TRIM2: variants seen among roughly 807,000 people sequenced by gnomAD.
TRIM2 encodes the protein tripartite motif-containing protein 2.
In TRIM2, 20 loss-of-function variants were observed where a neutral mutation model predicts 75.2. That is an observed-to-expected ratio of 0.27 (90% CI 0.19 to 0.39). The LOEUF (loss-of-function observed/expected upper bound fraction) is 0.39, where lower values mean the gene tolerates loss of function less well. Among genes scored for constraint, TRIM2 ranks in the 10% least tolerant of loss-of-function variants. The probability of loss-of-function intolerance (pLI) is 1.00; values close to 1 mark genes in which losing one functional copy is unlikely to be tolerated. For missense variants in TRIM2, 660 were observed against 990.8 expected (o/e 0.67, Z 4.48); for synonymous variants, 373 against 388.3 (o/e 0.96, Z 0.46).
chr4:153,302,404 C>G (rs1764105467), intron 6 of TRIM2, among the ~76,000 whole-genome samples: 1 of 152,178 alleles, frequency 6.6e-6, no homozygotes, highest in African/African-American at 2.4e-5. Context: ...ATCTCTGTCA[C>G]CCTCTTCAGC....
chr4:153,320,398 G>C (rs1768668922), intron 8 of TRIM2, among the ~76,000 whole-genome samples: 1 of 152,176 alleles, frequency 6.6e-6, no homozygotes, highest in Admixed American at 6.5e-5. Flanking sequence ...AAATACATAT[G>C]TGGTTCACAT....
chr4:153,244,253 T>G (rs536335511), intron 1 of TRIM2, among the ~76,000 whole-genome samples: 1 of 20,218 alleles, frequency 4.9e-5, no homozygotes, highest in African/African-American at 2.8e-4. Flanking sequence ...TTCCTCTTCT[T>G]TCCTCCTCCT....
chr4:153,269,991 C>T lies in TRIM2; in HGVS notation c.31-344C>T, dbSNP rs183104129. Among the ~76,000 whole-genome samples, 223 of 152,094 alleles carry T rather than the reference C, an allele frequency of 1.5e-3. 2 individuals carry two copies. In the East Asian group the frequency reaches 0.036, roughly 24 times the overall value. On this transcript the variant is annotated intron_variant, in intron 1 of 11. Transcript: ENST00000338700. ...TCACCCAGGCTGGAGTGCAGTGGCG[C>T]GATCTCAGCTCACTGCAACCTCTGC...
chr4:153,155,004 A>T (rs534588213), intron 1 of TRIM2, among the ~76,000 whole-genome samples: 1 of 152,208 alleles, frequency 6.6e-6, no homozygotes, highest in East Asian at 1.9e-4. Context: ...GCCAGGCGTA[A>T]TGGTGGGCAC....
In TRIM2 at chr4:153,253,032, C is replaced by A. The variant is rs72727884; in HGVS notation, c.31-17303C>A. Among the ~76,000 whole-genome samples the A allele has an allele frequency of 7.9e-3, 1,210 of 152,306 alleles. 10 individuals are homozygous for A. The highest frequency in any genetic ancestry group is 0.014 in the Admixed American group (211 of 15,302). ...AATTAAAGGTAAAAGATGGAACCTT[C>A]AACAGTTTCTAGCAAGAATGCTGTG... is the stretch of plus-strand genomic sequence containing the variant. On this transcript the variant is annotated intron_variant, in intron 1 of 11. Transcript: ENST00000338700.
intron 1 of TRIM2, among the ~76,000 whole-genome samples, chr4:153,194,159 G>A (rs1733524881): frequency 6.6e-6 from 1 of 152,050 alleles, no homozygotes; most frequent in Non-Finnish European, 1.5e-5. Flanking sequence ...GAGTGAGATG[G>A]GGAAAGAGTG....
At chr4:153,254,436 C>G (rs898303507) in intron 1 of TRIM2, among the ~76,000 whole-genome samples, 5 of 152,228 alleles carry the variant, frequency 3.3e-5, no homozygotes, top group Non-Finnish European at 7.3e-5. Flanking sequence ...GGCAAGACAG[C>G]TCCAAGAAGT....
chr4:153,157,904 G>A lies in TRIM2; in HGVS notation c.-49+4634G>A, dbSNP rs527703795. Among the ~76,000 whole-genome samples the A allele has an allele frequency of 4.6e-5, 7 of 152,304 alleles. No individual in the cohort carries two copies. The East Asian group carries it at 1.3e-3, about 29-fold the overall frequency. ...TTCCTGTCCTCTTTTCCAGGGCAGT[G>A]GTTAAATACCATCCACTGCTTTGCA... On this transcript the variant is annotated intron_variant, in intron 1 of 11. Transcript: ENST00000437508.
chr4:153,179,651 G>A (rs1286365091), intron 1 of TRIM2, among the ~76,000 whole-genome samples: 1 of 152,268 alleles, frequency 6.6e-6, no homozygotes, highest in Non-Finnish European at 1.5e-5. Context: ...CACTGTTTAC[G>A]CATAATGACA....
At chr4:153,330,800 G>A (rs1292433197) in intron 11 of TRIM2, among the ~76,000 whole-genome samples, 1 of 152,162 alleles carries the variant, frequency 6.6e-6, no homozygotes, top group Non-Finnish European at 1.5e-5. Context: ...GAGCAAGGAT[G>A]TCTGCAAGGA....
intron 1 of TRIM2, among the ~76,000 whole-genome samples, chr4:153,188,078 G>A (rs946699490): frequency 2.6e-5 from 4 of 152,204 alleles, no homozygotes; most frequent in South Asian, 2.1e-4. Flanking sequence ...CAGGTTCCTA[G>A]GACGAAAGCA....
chr4:153,301,078 C>A (rs1184523609), intron 6 of TRIM2, among the ~76,000 whole-genome samples: 3 of 151,810 alleles, frequency 2.0e-5, no homozygotes, highest in Admixed American at 2.0e-4. Context: ...GTAGTCCCAG[C>A]TACTCGGGAG....
chr4:153,280,982 C>A (rs138115575), intron 3 of TRIM2, among the ~76,000 whole-genome samples: 2 of 152,122 alleles, frequency 1.3e-5, no homozygotes, highest in African/African-American at 4.8e-5. Context: ...CCGCGCCCAG[C>A]CTGCAAATTC....
rs570179512 is a variant in TRIM2, at chr4:153,241,316, A to G, written c.31-29019A>G. On this transcript the variant is annotated intron_variant, in intron 1 of 11. Coordinates refer to ENST00000338700, the MANE Select transcript of TRIM2 (RefSeq NM_015271.5). ...TCTGGCTAATGTCTAGGCAGGCTGG[A>G]CACCCAGTCCTTCCTCATCGCACAT... 1.1e-4 allele frequency among the ~76,000 whole-genome samples: 16 copies of G among 152,326 alleles called. No individual in the cohort carries two copies. The South Asian group carries it at 3.1e-3, about 30-fold the overall frequency.
In TRIM2 at chr4:153,227,414, A is replaced by G. The variant is rs28624348; in HGVS notation, c.30+22854A>G. On this transcript the variant is annotated intron_variant, in intron 1 of 11. Transcript: ENST00000338700. ...ATAGGCTTGAGCTTTGCCTTAATTA[A>G]GAGGATGAGATCGGGTCTCTTTAAT... is the stretch of plus-strand genomic sequence containing the variant. Among the ~76,000 whole-genome samples, 970 of 152,306 alleles carry G rather than the reference A, an allele frequency of 6.4e-3. 13 individuals are homozygous for G. The highest frequency in any genetic ancestry group is 0.022 in the African/African-American group (921 of 41,562).
chr4:153,282,231 C>A (rs115466839), intron 3 of TRIM2, among the ~76,000 whole-genome samples: 119 of 152,344 alleles, frequency 7.8e-4, no homozygotes, highest in African/African-American at 2.8e-3. Context: ...AATTAGCTCT[C>A]AGCTTAAACC....
At chr4:153,332,017 TG>T (rs752546782) in intron 11 of TRIM2, among the ~76,000 whole-genome samples, 127 of 152,324 alleles carry the variant, frequency 8.3e-4, no homozygotes, top group Non-Finnish European at 1.4e-3. Context: ...AACTGTAAAA[TG>T]TAAAACTATA....
At chr4:153,242,572 G>A (rs571870203) in intron 1 of TRIM2, among the ~76,000 whole-genome samples, 1 of 152,318 alleles carries the variant, frequency 6.6e-6, no homozygotes, top group South Asian at 2.1e-4. Context: ...TGCAGCATGA[G>A]AGCTATTTGC....
chr4:153,155,348 C>G (rs1729133540), intron 1 of TRIM2, among the ~76,000 whole-genome samples: 1 of 152,112 alleles, frequency 6.6e-6, no homozygotes, highest in Admixed American at 6.6e-5. Flanking sequence ...GAATTCTACT[C>G]TAGTAAAATA....
Sources: allele counts gnomAD v4.1 joint callset (sites outside exome capture counted in the v4.1 genomes callset), GRCh38; gene constraint gnomAD v4.1.1; transcripts MANE v1.5; gene names NCBI Gene and HGNC (gene_info 2026-07-23, HGNC 2026-07-21).